The following SUPT6H variants were observed in gnomAD, a reference collection of about 807,000 sequenced individuals.
SUPT6H encodes the protein transcription elongation factor SPT6.
SUPT6H carries 11 observed loss-of-function variants against 222.3 expected under a neutral mutation model. The observed-to-expected ratio is 0.05, with a 90% CI of 0.03 to 0.08. The LOEUF is 0.08. Among genes scored for constraint, SUPT6H ranks in the 10% least tolerant of loss-of-function variants. The pLI, the probability that SUPT6H is intolerant of heterozygous loss-of-function variation, is 1.00. For missense variants in SUPT6H, 1,422 were observed against 2,216.0 expected, an observed-to-expected ratio of 0.64 and a Z score of 7.19; for synonymous variants, 762 against 801.2, an observed-to-expected ratio of 0.95 and a Z score of 0.83.
chr17:28,684,238 T>C (rs1000560219), intron 17 of SUPT6H, among the ~76,000 whole-genome samples: 2 of 151,946 alleles, frequency 1.3e-5, no homozygotes, highest in Non-Finnish European at 2.9e-5. Flanking sequence ...AATAGTCCCA[T>C]AGCTAATGGA....
intron 25 of SUPT6H, 42 bp from the exon 26 acceptor site, chr17:28,690,040 G>A: frequency 6.3e-7 from 1 of 1,588,792 alleles, no homozygotes; most frequent in South Asian, 1.1e-5. Flanking sequence ...GCTCAGGTTG[G>A]GGGGCAGCTG....
intron 1 of SUPT6H, chr17:28,672,524 C>T (rs914893255): frequency 1.3e-5 from 2 of 152,112 alleles, no homozygotes; most frequent in African/African-American, 4.8e-5. Flanking sequence ...AACCATTCTC[C>T]TGCCTAAGCC....
rs548347889 is a variant in SUPT6H at position 28,667,457 on chromosome 17, A to G, written c.-32+5115A>G. 9.5e-4 allele frequency among the ~76,000 whole-genome samples: 129 copies of G among 135,586 alleles called. 1 individual carries two copies. In the South Asian group the frequency reaches 0.012, roughly 12 times the overall value. The allele number at this position is 135,586 out of a possible 152,430, so 88.9% of individuals were successfully genotyped here. On this transcript the variant is annotated intron_variant, in intron 1 of 36. Transcript: ENST00000314616. ...TATATGTATGTGTGTGTGTATACAT[A>G]TGTATGTATATGTGTATATATGTGT... is the stretch of plus-strand genomic sequence containing the variant.
rs749760633 is a variant in SUPT6H at position 28,688,135 on chromosome 17, G to T, written c.3051G>T (p.Leu1017=). Residue 1017 remains leucine (L), a synonymous_variant, in exon 24 of 37, where the codon CTG becomes CTT. Transcript: ENST00000314616. The surrounding 1 kb of genome is among the most constrained non-coding windows in gnomAD (Gnocchi z 4.3). ...NNTRLESRTQ[L]VTMCHMGPKV... is the part of the protein sequence containing the mutation. Reference sequence around the variant, plus strand: ...CCCGGCTCGAGAGCCGGACCCAGCTGGTCACCATGTGCCACATGGGTCCCA... The same window carrying T: ...CCCGGCTCGAGAGCCGGACCCAGCTTGTCACCATGTGCCACATGGGTCCCA... 6.2e-7 allele frequency: 1 copy of T among 1,613,496 alleles called. No homozygotes were observed. Among genetic ancestry groups the T allele is most frequent in the South Asian group, 1.1e-5 (1 of 91,030 alleles).
intron 9 of SUPT6H, 77 bp downstream of exon 9, chr17:28,678,269 A>G: frequency 7.6e-7 from 1 of 1,324,338 alleles, no homozygotes; most frequent in African/African-American, 1.5e-5. Context: ...TACCTAAATG[A>G]GGTGGGAGCC....
rs368844574 is a variant in SUPT6H at position 28,681,448 on chromosome 17, A to G, written c.1498+44A>G. 1.2e-4 allele frequency: 180 copies of G among 1,547,998 alleles called. 1 individual carries two copies. Among genetic ancestry groups the G allele is most frequent in the Admixed American group, 1.0e-4 (5 of 50,232 alleles). ...AATCCAGGAGATTTGATGGCCATGC[A>G]TGATGGCTCACGCATGTAATCCCAG... On this transcript the variant is annotated intron_variant, in intron 12 of 36. Transcript: ENST00000314616.
chr17:28,667,435 A>ATATG (rs1491494572), intron 1 of SUPT6H, among the ~76,000 whole-genome samples: 4 of 128,770 alleles, frequency 3.1e-5, no homozygotes, highest in Admixed American at 1.6e-4. Flanking sequence ...ATATATATAT[A>ATATG]TGTATGTGTG....
chr17:28,698,056 T>C (rs757036683), intron 32 of SUPT6H, 26 bp downstream of exon 32: 4 of 1,598,790 alleles, frequency 2.5e-6, no homozygotes, highest in Non-Finnish European at 2.5e-6. Flanking sequence ...GAGAAGGTGC[T>C]GCCACTGGGG....
chr17:28,682,820 C>T lies in SUPT6H; in HGVS notation c.1691C>T (p.Ala564Val). The T allele has an allele frequency of 1.9e-6, 3 of 1,614,172 alleles. No individual in the cohort carries two copies. The highest frequency in any genetic ancestry group is 1.1e-5 in the South Asian group (1 of 91,076). ...CGGCACGAGACAGAGCAGTTTCCCG[C>T]GGAGCCCTTGGAGCTGGCCAAGGAT... ...YQRHETEQFPAEPLELAKDYV... is the reference protein window; with the variant it reads ...YQRHETEQFPVEPLELAKDYV... Residue 564 changes from alanine to valine, a missense_variant, in exon 14 of 37, where the codon GCG becomes GTG. Physicochemically the swap from Ala to Val is moderately conservative, Grantham distance 64. Around this residue, in one of 13 missense-constraint regions of SUPT6H, gnomAD observed 121 missense variants for 158.0 expected, o/e 0.77. Coordinates refer to ENST00000314616, the MANE Select transcript of SUPT6H (RefSeq NM_003170.5).
At chr17:28,681,427 C>T in intron 12 of SUPT6H, 23 bp downstream of exon 12, 1 of 1,566,732 alleles carries the variant, frequency 6.4e-7, no homozygotes. Context: ...AAAGAAAATC[C>T]AGGAGATTTG....
intron 1 of SUPT6H, among the ~76,000 whole-genome samples, chr17:28,665,223 G>A (rs555439714): frequency 6.6e-6 from 1 of 152,226 alleles, no homozygotes; most frequent in South Asian, 2.1e-4. Flanking sequence ...TATATACCAT[G>A]TTCTTGCCCA....
Position 28,684,929 on chromosome 17 carries a change from A to G in SUPT6H, c.2455A>G (p.Thr819Ala), listed in dbSNP as rs2031306418. The change falls in exon 19 of 37, where the codon ACT becomes GCT. Residue 819 changes from threonine (T) to alanine (A), a missense_variant. By Grantham distance (58) the Thr-to-Ala change is moderately conservative. Around this residue, in one of 13 missense-constraint regions of SUPT6H, gnomAD observed 294 missense variants for 382.1 expected, o/e 0.77. Coordinates refer to ENST00000314616, the MANE Select transcript of SUPT6H (RefSeq NM_003170.5). ...LRLPHFTKRR[T>A]AWREEEREKK... The stretch of plus-strand genomic sequence containing the variant: ...ACTGCCCCATTTTACCAAACGGCGA[A>G]CTGCATGGAGAGAGGAAGAGCGGGA... The G allele has an allele frequency of 6.2e-7, 1 of 1,614,200 alleles. No homozygotes were observed. The highest frequency in any genetic ancestry group is 1.3e-5 in the African/African-American group (1 of 75,060).
intron 1 of SUPT6H, among the ~76,000 whole-genome samples, chr17:28,663,828 A>ATATTTTTTTTTTTTTTTTTTT (rs2072113348): frequency 2.6e-5 from 1 of 38,374 alleles, no homozygotes; most frequent in Non-Finnish European, 4.7e-5. Flanking sequence ...TGCCCACTCC[A>ATATTTTTTTTTTTTTTTTTTT]TTTTTTTTTT....
At chr17:28,685,379 G>A (rs2031328336) in intron 19 of SUPT6H, among the ~76,000 whole-genome samples, 1 of 151,886 alleles carries the variant, frequency 6.6e-6, no homozygotes, top group African/African-American at 2.4e-5. Context: ...TATCCTAATG[G>A]TATCTGTAGT....
intron 21 of SUPT6H, 136 bp downstream of exon 21, chr17:28,686,925 T>C (rs2031409987): frequency 6.8e-7 from 1 of 1,478,186 alleles, no homozygotes; most frequent in Non-Finnish European, 9.1e-7. Context: ...TTCTCCGTTT[T>C]GCAGTTACGG....
At chr17:28,681,619 G>A (rs2031106326) in intron 12 of SUPT6H, among the ~76,000 whole-genome samples, 1 of 151,870 alleles carries the variant, frequency 6.6e-6, no homozygotes, top group Non-Finnish European at 1.5e-5. Flanking sequence ...TGCTCAGGAG[G>A]CTGAGGCATG....
chr17:28,674,194 A>G, intron 2 of SUPT6H, 89 bp from the exon 3 acceptor site: 1 of 1,523,722 alleles, frequency 6.6e-7, no homozygotes. Flanking sequence ...CATTAGGTGC[A>G]GAGCAAATGG....
In SUPT6H at chr17:28,688,398, CAT is replaced by C. The variant is rs1213626463; in HGVS notation, c.3134+181_3134+182del. On this transcript the variant is annotated intron_variant, in intron 24 of 36. Transcript: ENST00000314616. The surrounding 1 kb of genome is among the most constrained non-coding windows in gnomAD (Gnocchi z 4.3). ...GACCTATGGAAAAGATCGGTTCAAT[CAT>C]GTGAAACATTTTTCGTGTGAGAGAA... 10 of 591,276 alleles carry C rather than the reference CAT, an allele frequency of 1.7e-5. No individual in the cohort carries two copies. The highest frequency in any genetic ancestry group is 4.1e-5 in the Admixed American group (1 of 24,438). The allele number at this position is 591,276 out of a possible 1,614,324, so 36.6% of individuals were successfully genotyped here.
At chr17:28,678,410 G>A in intron 9 of SUPT6H, 135 bp from the exon 10 acceptor site, 2 of 930,256 alleles carry the variant, frequency 2.1e-6, no homozygotes, top group Non-Finnish European at 3.3e-6. Flanking sequence ...GGCCCTGGAA[G>A]GGCTGTGAGG....
Sources: gnomAD v4.1 joint callset for allele counts (sites outside exome capture counted in the v4.1 genomes callset) on GRCh38, gnomAD v4.1.1 for gene constraint, gnomAD v4.1.1 regional missense constraint, Gnocchi (gnomAD v3.1) non-coding constraint, MANE v1.5 for transcripts, NCBI Gene and HGNC (gene_info 2026-07-23, HGNC 2026-07-21) for gene names.